The following ZFYVE1 variants were observed in gnomAD, a reference collection of about 807,000 sequenced individuals.
ZFYVE1 encodes zinc finger FYVE domain-containing protein 1.
A neutral mutation model predicts 74.4 loss-of-function variants in ZFYVE1; 30 were observed. The ratio of observed to expected loss-of-function variants is 0.40; its 90% CI spans 0.30 to 0.55. The LOEUF is 0.55. Among genes scored for constraint, ZFYVE1 ranks in the 20% least tolerant of loss-of-function variants. ZFYVE1 has a pLI of 0.42. For synonymous variants in ZFYVE1, 335 were observed against 385.1 expected, an observed-to-expected ratio of 0.87 and a Z score of 1.52; for missense variants, 703 against 1,011.6, an observed-to-expected ratio of 0.69 and a Z score of 4.14.
chr14:73,023,496 A>C (rs1175813341), intron 2 of ZFYVE1, among the ~76,000 whole-genome samples: 1 of 145,090 alleles, frequency 6.9e-6, no homozygotes, highest in East Asian at 1.9e-4. Flanking sequence ...TCTGGAAAGA[A>C]TATTGTCCTT....
At chr14:73,010,215 A>G (rs1231157065) in intron 2 of ZFYVE1, among the ~76,000 whole-genome samples, 2 of 152,232 alleles carry the variant, frequency 1.3e-5, no homozygotes, top group Admixed American at 1.3e-4. Context: ...CTGTAATCCC[A>G]GAACTTTTGG....
chr14:72,974,946 C>T lies in ZFYVE1; in HGVS notation c.1820G>A (p.Cys607Tyr), dbSNP rs1893129556. ...GTCGTTATCTTTAAAGGACGTCGCA[C>T]ACTTGTTGCAGCTCTGTTCCAAGCC... is the stretch of plus-strand genomic sequence containing the variant. ...PNSQILSCNK[C>Y]ATSFKDNDTK... Residue 607 changes from cysteine to tyrosine, a missense_variant, in exon 10 of 12, where the codon TGT (cysteine) becomes TAT (tyrosine). Physicochemically the swap from Cys to Tyr is radical, Grantham distance 194 (BLOSUM62 -2). Around this residue, in one of 2 missense-constraint regions of ZFYVE1, gnomAD observed 492 missense variants for 790.0 expected, o/e 0.62. Transcript: ENST00000556143. 6.2e-7 allele frequency: 1 copy of T among 1,610,230 alleles called. No homozygotes were observed. The highest frequency in any genetic ancestry group is 8.5e-7 in the Non-Finnish European group (1 of 1,176,840).
Position 73,019,631 on chromosome 14 carries a change from C to T in ZFYVE1, c.483+4395G>A, listed in dbSNP as rs1894273642. Among the ~76,000 whole-genome samples the T allele has an allele frequency of 3.3e-5, 5 of 152,106 alleles. No individual in the cohort carries two copies. The South Asian group carries it at 1.0e-3, about 31-fold the overall frequency. On this transcript the variant is annotated intron_variant, in intron 2 of 11. Coordinates refer to ENST00000556143, the MANE Select transcript of ZFYVE1 (RefSeq NM_021260.4). ...GCCATAAAGAATTGGTGAGCTGGTG[C>T]TTTTGGCCACAATGAAGTTTAATTA...
At chr14:73,015,826 G>A (rs962314405) in intron 2 of ZFYVE1, among the ~76,000 whole-genome samples, 14 of 152,284 alleles carry the variant, frequency 9.2e-5, no homozygotes, top group Non-Finnish European at 8.8e-5. Context: ...CAGTCTTGTT[G>A]GGCACGGTGG....
intron 2 of ZFYVE1, among the ~76,000 whole-genome samples, chr14:73,021,707 G>A (rs7154097): frequency 0.015 from 2,226 of 152,208 alleles, 46 homozygotes; most frequent in African/African-American, 0.048. Flanking sequence ...TTCCTAGGAC[G>A]TGGTTAATGT....
At chr14:72,982,150 A>C (rs1353943011) in intron 4 of ZFYVE1, among the ~76,000 whole-genome samples, 1 of 152,158 alleles carries the variant, frequency 6.6e-6, no homozygotes, top group Admixed American at 6.5e-5. Context: ...GGTTATAAAC[A>C]CCTCACACCA....
chr14:73,017,837 C>A (rs1335847405), intron 2 of ZFYVE1, among the ~76,000 whole-genome samples: 1 of 152,200 alleles, frequency 6.6e-6, no homozygotes. Context: ...ATACATCAGT[C>A]TCTATCAGGT....
intron 4 of ZFYVE1, among the ~76,000 whole-genome samples, chr14:72,983,372 C>T (rs897888819): frequency 2.0e-4 from 26 of 127,396 alleles, no homozygotes; most frequent in African/African-American, 6.5e-4. Flanking sequence ...CCACAGGCCT[C>T]GATGTGTGAT....
At chr14:72,977,011 G>T (rs1893189124) in intron 8 of ZFYVE1, among the ~76,000 whole-genome samples, 2 of 152,180 alleles carry the variant, frequency 1.3e-5, no homozygotes, top group Non-Finnish European at 2.9e-5. Context: ...GTGATTTATG[G>T]ACAATGCTAA....
chr14:72,993,964 A>G (rs12880482), intron 3 of ZFYVE1, among the ~76,000 whole-genome samples: 44,167 of 147,526 alleles, frequency 0.3, 7,010 homozygotes, highest in Middle Eastern at 0.39. Context: ...GCAGTGAGCC[A>G]AGATCGCGCC....
At chr14:72,994,327 A>AAAC (rs1893695179) in intron 3 of ZFYVE1, among the ~76,000 whole-genome samples, 1 of 144,116 alleles carries the variant, frequency 6.9e-6, no homozygotes, top group Non-Finnish European at 1.5e-5. Context: ...TGTCTCAAAA[A>AAAC]AAAAAAAAAA....
intron 2 of ZFYVE1, among the ~76,000 whole-genome samples, chr14:73,013,202 C>CT (rs1453196486): frequency 6.6e-6 from 1 of 152,190 alleles, no homozygotes; most frequent in Non-Finnish European, 1.5e-5. Context: ...AGGTCAGCTA[C>CT]TTATGTATGG....
intron 2 of ZFYVE1, among the ~76,000 whole-genome samples, chr14:72,999,304 G>A (rs1055880012): frequency 3.9e-5 from 6 of 152,130 alleles, no homozygotes; most frequent in African/African-American, 1.4e-4. Flanking sequence ...GCACATGCCT[G>A]TAATCCCAGC....
intron 2 of ZFYVE1, among the ~76,000 whole-genome samples, chr14:73,022,948 A>C (rs1230359014): frequency 6.6e-6 from 1 of 152,044 alleles, no homozygotes; most frequent in African/African-American, 2.4e-5. Flanking sequence ...GGATCACTTG[A>C]GGTCAGGAGT....
intron 3 of ZFYVE1, 136 bp downstream of exon 3, chr14:72,997,675 T>G (rs905603226): frequency 1.2e-5 from 14 of 1,208,176 alleles, no homozygotes; most frequent in Admixed American, 2.6e-5. Flanking sequence ...CCATCCTCCT[T>G]GAAACACTTT....
chr14:72,998,810 T>C (rs1298348679), intron 2 of ZFYVE1, among the ~76,000 whole-genome samples: 1 of 148,818 alleles, frequency 6.7e-6, no homozygotes, highest in African/African-American at 2.5e-5. Context: ...ATGACAGTGC[T>C]ACTGCACTCC....
At position 72,975,165 on chromosome 14, in the gene ZFYVE1, G is replaced by A; in HGVS notation, c.1807-206C>T. 1 of 580,848 alleles carries A rather than the reference G, an allele frequency of 1.7e-6. No individual in the cohort carries two copies. Among genetic ancestry groups the A allele is most frequent in the South Asian group, 2.7e-5 (1 of 37,418 alleles). The allele number at this position is 580,848 out of a possible 1,614,324, so 36.0% of individuals were successfully genotyped here. A position where few individuals can be genotyped will look rare whatever the true frequency, so the allele number is the denominator to read the frequency against. On this transcript the variant is annotated intron_variant, in intron 9 of 11. Coordinates refer to ENST00000556143, the MANE Select transcript of ZFYVE1 (RefSeq NM_021260.4). The surrounding 1 kb of genome is among the most constrained non-coding windows in gnomAD (Gnocchi z 4.1). ...GAGTTTCCTTTCACTAAGTGTCTGG[G>A]TTGAAGCTGGGTGCTCTCTTGCTCT...
At chr14:73,016,125 T>G (rs1894196509) in intron 2 of ZFYVE1, among the ~76,000 whole-genome samples, 2 of 152,184 alleles carry the variant, frequency 1.3e-5, no homozygotes, top group African/African-American at 4.8e-5. Flanking sequence ...CTTATTCTTC[T>G]GACCTTTAAC....
chr14:72,989,822 AAAAG>A (rs1488556114), intron 4 of ZFYVE1, among the ~76,000 whole-genome samples: 1 of 152,148 alleles, frequency 6.6e-6, no homozygotes, highest in Non-Finnish European at 1.5e-5. Flanking sequence ...GAAAAAGAAA[AAAAG>A]AAAGAAAAAA....
Sources: gnomAD v4.1 joint callset for allele counts (sites outside exome capture counted in the v4.1 genomes callset) on GRCh38, gnomAD v4.1.1 for gene constraint, gnomAD v4.1.1 regional missense constraint, Gnocchi (gnomAD v3.1) non-coding constraint, MANE v1.5 for transcripts, NCBI Gene and HGNC (gene_info 2026-07-23, HGNC 2026-07-21) for gene names.